GPC3: variants seen among roughly 807,000 people sequenced by gnomAD.
The protein encoded by GPC3 is glypican 3, also known as glypican-3.
Under a neutral mutation model 34.4 loss-of-function variants are expected in GPC3, and 3 were observed. That is an observed-to-expected ratio of 0.09 (90% CI 0.04 to 0.23). GPC3 has a LOEUF of 0.23. Ranked by LOEUF, GPC3 falls within the 10% of genes least tolerant of loss-of-function variation. The pLI, the probability that GPC3 is intolerant of heterozygous loss-of-function variation, is 1.00. For missense variants in GPC3, 351 were observed against 445.6 expected, an observed-to-expected ratio of 0.79 and a Z score of 1.91; for synonymous variants, 177 against 174.0, an observed-to-expected ratio of 1.02 and a Z score of -0.13.
intron 2 of GPC3, among the ~76,000 whole-genome samples, chrX:133,807,006 G>A (rs1029954758): frequency 1.8e-5 from 2 of 111,404 alleles, no homozygotes; most frequent in African/African-American, 6.5e-5. Context: ...AAGGATAAAC[G>A]AGTGAAAAAA....
chrX:133,539,531 G>A (rs977897656), intron 7 of GPC3, among the ~76,000 whole-genome samples: 4 of 112,093 alleles, frequency 3.6e-5, no homozygotes, highest in African/African-American at 1.3e-4. Context: ...GTTGGAAATG[G>A]GAATTATCAT....
chrX:133,547,151 A>G (rs1340994365), intron 7 of GPC3, among the ~76,000 whole-genome samples: 1 of 111,527 alleles, frequency 9.0e-6, no homozygotes, highest in Non-Finnish European at 1.9e-5. Flanking sequence ...GGTGGTTACC[A>G]GAGGCTGGGA....
intron 6 of GPC3, among the ~76,000 whole-genome samples, chrX:133,598,174 A>G (rs2069939831): frequency 1.8e-5 from 2 of 111,600 alleles, no homozygotes; most frequent in Admixed American, 1.9e-4. Context: ...TTTTTTTGAC[A>G]CAGGGTCTGG....
Position 133,777,917 on chromosome X carries a change from G to C in GPC3, c.338-23741C>G, listed in dbSNP as rs907357286. Among the ~76,000 whole-genome samples the C allele has an allele frequency of 1.5e-4, 17 of 111,816 alleles. No homozygotes were observed. In the Admixed American group the frequency reaches 1.6e-3, roughly 11 times the overall value. On this transcript the variant is annotated intron_variant, in intron 2 of 7. Coordinates refer to ENST00000370818, the MANE Select transcript of GPC3 (RefSeq NM_004484.4). ...CTAAAACCCAAGCCTCATGAGCCCC[G>C]GTCTTTTGTTCTTTCCATCATCCAA...
intron 7 of GPC3, among the ~76,000 whole-genome samples, chrX:133,565,776 C>G (rs952367335): frequency 1.8e-5 from 2 of 112,308 alleles, no homozygotes; most frequent in East Asian, 5.6e-4. Flanking sequence ...TTTGGTAGAA[C>G]TGGGCTATGA....
chrX:133,755,952 T>C (rs907547062), intron 2 of GPC3, among the ~76,000 whole-genome samples: 15 of 112,347 alleles, frequency 1.3e-4, no homozygotes, highest in African/African-American at 4.2e-4. Context: ...TAATTTCAGC[T>C]AGCAATCACT....
intron 1 of GPC3, among the ~76,000 whole-genome samples, chrX:133,979,854 C>G (rs1250997827): frequency 2.7e-5 from 3 of 111,453 alleles, no homozygotes; most frequent in Non-Finnish European, 5.6e-5. Flanking sequence ...CCACACTGTC[C>G]CTTAGATCGC....
Position 133,828,368 on chromosome X carries a change from G to A in GPC3, c.338-74192C>T, listed in dbSNP as rs527625071. Among the ~76,000 whole-genome samples, 5 of 111,238 alleles carry A rather than the reference G, an allele frequency of 4.5e-5. No homozygotes were observed. The South Asian group carries it at 1.5e-3, about 34-fold the overall frequency. ...GATGGGGTTTCACCCATGTTGACCAGGCTGATCTTGAACTCCTGATCTCAG... is the reference window on the plus strand; with the variant it reads ...GATGGGGTTTCACCCATGTTGACCAAGCTGATCTTGAACTCCTGATCTCAG... On this transcript the variant is annotated intron_variant, in intron 2 of 7. Coordinates refer to ENST00000370818, the MANE Select transcript of GPC3 (RefSeq NM_004484.4).
chrX:133,945,055 A>C (rs1169533231), intron 2 of GPC3, among the ~76,000 whole-genome samples: 4 of 112,087 alleles, frequency 3.6e-5, no homozygotes, highest in African/African-American at 1.3e-4. Flanking sequence ...CTACAGGTAT[A>C]GACAAGGAGT....
intron 1 of GPC3, among the ~76,000 whole-genome samples, chrX:133,970,476 A>T (rs2076486221): frequency 9.0e-6 from 1 of 110,673 alleles, no homozygotes; most frequent in African/African-American, 3.3e-5. Flanking sequence ...TTCTTAAAAA[A>T]CACACAATCT....
intron 6 of GPC3, among the ~76,000 whole-genome samples, chrX:133,596,817 A>T (rs1173774121): frequency 9.0e-6 from 1 of 111,330 alleles, no homozygotes; most frequent in African/African-American, 3.3e-5. Context: ...CTACTCCTTG[A>T]CTCTACTTAC....
At chrX:133,974,947 T>C (rs761617006) in intron 1 of GPC3, among the ~76,000 whole-genome samples, 6 of 111,228 alleles carry the variant, frequency 5.4e-5, no homozygotes, top group Non-Finnish European at 5.7e-5. Flanking sequence ...TTTCAGCCCT[T>C]AAAAACATGT....
intron 3 of GPC3, among the ~76,000 whole-genome samples, chrX:133,748,818 G>T (rs1158392855): frequency 1.8e-5 from 2 of 111,726 alleles, no homozygotes; most frequent in Non-Finnish European, 3.8e-5. Context: ...TATAGATGAA[G>T]AATTCAAGGT....
At chrX:133,967,521 G>C (rs1273342721) in intron 1 of GPC3, among the ~76,000 whole-genome samples, 1 of 112,593 alleles carries the variant, frequency 8.9e-6, no homozygotes, top group Non-Finnish European at 1.9e-5. Context: ...TGGCTTGCCA[G>C]TCTTATATAA....
intron 2 of GPC3, among the ~76,000 whole-genome samples, chrX:133,813,412 T>C (rs1292491010): frequency 8.9e-6 from 1 of 112,571 alleles, no homozygotes; most frequent in African/African-American, 3.2e-5. Flanking sequence ...AATTACCCTG[T>C]CCTATGTACT....
At chrX:133,620,588 A>G (rs1047577585) in intron 6 of GPC3, among the ~76,000 whole-genome samples, 2 of 111,158 alleles carry the variant, frequency 1.8e-5, no homozygotes, top group Non-Finnish European at 3.8e-5. Context: ...ACCTGGAAAA[A>G]CTAGTTCAGG....
At chrX:133,567,059 AGTAT>A (rs1293619525) in intron 7 of GPC3, among the ~76,000 whole-genome samples, 1 of 112,073 alleles carries the variant, frequency 8.9e-6, no homozygotes, top group African/African-American at 3.2e-5. Flanking sequence ...AAGGCTGATG[AGTAT>A]TTCTCCAATG....
At chrX:133,899,475 C>T (rs767796065) in intron 2 of GPC3, among the ~76,000 whole-genome samples, 1 of 111,952 alleles carries the variant, frequency 8.9e-6, no homozygotes, top group African/African-American at 3.2e-5. Flanking sequence ...CCAACCAATT[C>T]CAGTACATAT....
chrX:133,980,863 G>A (rs760135785), intron 1 of GPC3, among the ~76,000 whole-genome samples: 277 of 111,848 alleles, frequency 2.5e-3, no homozygotes, highest in African/African-American at 8.1e-3. Flanking sequence ...GTAATAAGCC[G>A]CCTTTTTCTA....
Sources: gnomAD v4.1 joint callset for allele counts (sites outside exome capture counted in the v4.1 genomes callset) on GRCh38, gnomAD v4.1.1 for gene constraint, MANE v1.5 for transcripts, NCBI Gene and HGNC (gene_info 2026-07-23, HGNC 2026-07-21) for gene names.